Variants in EPHA4 observed in about 807,000 individuals in gnomAD.
EPHA4 encodes the protein EPH receptor A4, also known as ephrin type-A receptor 4.
A neutral mutation model predicts 108.3 loss-of-function variants in EPHA4; 19 were observed. The observed-to-expected ratio is 0.18, with a 90% CI of 0.12 to 0.26. The LOEUF (loss-of-function observed/expected upper bound fraction) is 0.26, where lower values mean the gene tolerates loss of function less well. EPHA4 is among the 10% of genes least tolerant of loss of function. The pLI, the probability that EPHA4 is intolerant of heterozygous loss-of-function variation, is 1.00. For synonymous variants in EPHA4, 449 were observed against 455.5 expected, an observed-to-expected ratio of 0.99 and a Z score of 0.18; for missense variants, 917 against 1,254.0, an observed-to-expected ratio of 0.73 and a Z score of 4.06.
chr2:221,490,295 T>C (rs1278265341), intron 4 of EPHA4, among the ~76,000 whole-genome samples: 1 of 148,086 alleles, frequency 6.8e-6, no homozygotes, highest in Non-Finnish European at 1.5e-5. Flanking sequence ...GAAAATCAAG[T>C]CTGCAACCAA....
chr2:221,544,217 C>T (rs1384988312), intron 3 of EPHA4, among the ~76,000 whole-genome samples: 3 of 152,250 alleles, frequency 2.0e-5, no homozygotes, highest in African/African-American at 7.2e-5. Context: ...TACCAAGCTA[C>T]ACTGTTATCA....
At chr2:221,554,799 CAT>C (rs1175797926) in intron 3 of EPHA4, among the ~76,000 whole-genome samples, 1 of 152,122 alleles carries the variant, frequency 6.6e-6, no homozygotes, top group Non-Finnish European at 1.5e-5. Flanking sequence ...ATTTGTACAT[CAT>C]AGACTTTAAA....
At chr2:221,499,740 ATATATATATATATATATT>A (rs1324293284) in intron 4 of EPHA4, among the ~76,000 whole-genome samples, 19 of 54,436 alleles carry the variant, frequency 3.5e-4, no homozygotes, top group East Asian at 1.2e-3. Context: ...ATATATATAT[ATATATATATATATATATT>A]TTTTTTTTTT....
At chr2:221,521,491 T>TG (rs998428625) in intron 3 of EPHA4, among the ~76,000 whole-genome samples, 112 of 152,214 alleles carry the variant, frequency 7.4e-4, no homozygotes, top group African/African-American at 2.5e-3. Flanking sequence ...TGAGTTGAGA[T>TG]GTTCAGGAAG....
chr2:221,422,641 C>T (rs1297780363), intron 17 of EPHA4, among the ~76,000 whole-genome samples: 4 of 152,146 alleles, frequency 2.6e-5, no homozygotes, highest in African/African-American at 4.8e-5. Flanking sequence ...CTTCTCCTCA[C>T]CATTGAATTC....
At chr2:221,456,526 A>G in intron 7 of EPHA4, 87 bp downstream of exon 7, 1 of 1,398,718 alleles carries the variant, frequency 7.1e-7, no homozygotes, top group Non-Finnish European at 9.7e-7. Flanking sequence ...AAAATTACAG[A>G]CAACTCCTTA....
intron 5 of EPHA4, among the ~76,000 whole-genome samples, chr2:221,477,873 T>C (rs750024228): frequency 1.3e-5 from 2 of 152,184 alleles, no homozygotes; most frequent in Non-Finnish European, 2.9e-5. Context: ...AATTACGTAA[T>C]GCATCAAATA....
At chr2:221,467,650 A>C (rs1174382733) in intron 5 of EPHA4, among the ~76,000 whole-genome samples, 1 of 152,244 alleles carries the variant, frequency 6.6e-6, no homozygotes, top group Non-Finnish European at 1.5e-5. Flanking sequence ...TTATAAAATT[A>C]TAAGTGGGTA....
rs144378007 is a variant in EPHA4 at position 221,536,751 on chromosome 2, G to A, written c.823+26980C>T. On this transcript the variant is annotated intron_variant, in intron 3 of 17. Coordinates refer to ENST00000281821, the MANE Select transcript of EPHA4 (RefSeq NM_004438.5). The stretch of plus-strand genomic sequence containing the variant: ...AAAGCAGCCCAGATTTGTAGTTAAG[G>A]GTGAAGGCTTGGTCAGTGGCCAGAC... 3.4e-3 allele frequency among the ~76,000 whole-genome samples: 515 copies of A among 152,302 alleles called. 3 individuals carry two copies. The highest frequency in any genetic ancestry group is 0.011 in the African/African-American group (478 of 41,566).
chr2:221,532,732 G>C (rs1406701958), intron 3 of EPHA4: 2 of 152,284 alleles, frequency 1.3e-5, no homozygotes, highest in Non-Finnish European at 2.9e-5. Flanking sequence ...TGGTGCCTTA[G>C]GCTTGGCCTC....
chr2:221,460,664 T>A (rs1358654953), intron 5 of EPHA4, among the ~76,000 whole-genome samples: 1 of 152,214 alleles, frequency 6.6e-6, no homozygotes, highest in Admixed American at 6.6e-5. Context: ...CTCCACATCA[T>A]AAGCCACATA....
intron 3 of EPHA4, among the ~76,000 whole-genome samples, chr2:221,515,244 C>A (rs550343401): frequency 5.9e-5 from 9 of 152,020 alleles, no homozygotes; most frequent in African/African-American, 2.2e-4. Flanking sequence ...TACAGGCATG[C>A]GCCACCATGC....
upstream of EPHA4, chr2:221,573,997 G>A (rs911750629): frequency 6.6e-6 from 1 of 152,246 alleles, no homozygotes; most frequent in Non-Finnish European, 1.5e-5. This position sits in a 1 kb window ranked among gnomAD's most constrained non-coding sequence, Gnocchi z 4.5. Flanking sequence ...TCTCGGAAAA[G>A]CGGATCCTAA....
intron 5 of EPHA4, among the ~76,000 whole-genome samples, chr2:221,471,274 AG>A (rs1029230737): frequency 6.6e-6 from 1 of 152,136 alleles, no homozygotes; most frequent in African/African-American, 2.4e-5. Flanking sequence ...AAAGAAAACC[AG>A]GGGGTTCACA....
chr2:221,562,530 G>T (rs931675047), intron 3 of EPHA4, among the ~76,000 whole-genome samples: 1 of 152,112 alleles, frequency 6.6e-6, no homozygotes, highest in African/African-American at 2.4e-5. Context: ...GTTAATTCAG[G>T]CCCTTTAACC....
chr2:221,471,296 G>A (rs546873022), intron 5 of EPHA4, among the ~76,000 whole-genome samples: 204 of 152,180 alleles, frequency 1.3e-3, no homozygotes, highest in African/African-American at 4.6e-3. Flanking sequence ...GCATGTCACA[G>A]GGGCCTCTCT....
At chr2:221,533,802 C>T (rs1185295770) in intron 3 of EPHA4, among the ~76,000 whole-genome samples, 1 of 150,220 alleles carries the variant, frequency 6.7e-6, no homozygotes, top group African/African-American at 2.5e-5. Flanking sequence ...AGAATCTCTC[C>T]CTTATGAAAA....
chr2:221,434,069 C>T, intron 14 of EPHA4, 73 bp downstream of exon 14: 1 of 1,500,042 alleles, frequency 6.7e-7, no homozygotes, highest in Non-Finnish European at 9.0e-7. Flanking sequence ...CCCGTGCCCA[C>T]TCCATCATAC....
intron 3 of EPHA4, among the ~76,000 whole-genome samples, chr2:221,523,013 T>A (rs536495868): frequency 2.2e-4 from 33 of 152,232 alleles, no homozygotes; most frequent in African/African-American, 7.0e-4. Context: ...TCCGCCTGCG[T>A]CGGCCTCCCA....
Sources: gnomAD v4.1 joint callset for allele counts (sites outside exome capture counted in the v4.1 genomes callset) on GRCh38, gnomAD v4.1.1 for gene constraint, Gnocchi (gnomAD v3.1) non-coding constraint, MANE v1.5 for transcripts, NCBI Gene and HGNC (gene_info 2026-07-23, HGNC 2026-07-21) for gene names.